The following TMEM116 variants were observed in gnomAD, a reference collection of about 807,000 sequenced individuals.
The protein encoded by TMEM116 is transmembrane protein 116.
A neutral mutation model predicts 44.3 loss-of-function variants in TMEM116; 38 were observed. The observed-to-expected ratio is 0.86, with a 90% CI of 0.66 to 1.12. The LOEUF (loss-of-function observed/expected upper bound fraction) is 1.12. Ranked by LOEUF, TMEM116 falls within the 50% of genes most tolerant of loss-of-function variation. The probability of loss-of-function intolerance (pLI) is 0.00; values close to 1 mark genes in which losing one functional copy is unlikely to be tolerated. For missense variants in TMEM116, 354 were observed against 401.7 expected (o/e 0.88, Z 1.01); for synonymous variants, 132 against 144.8 (o/e 0.91, Z 0.64).
intron 4 of TMEM116, among the ~76,000 whole-genome samples, chr12:111,976,861 G>A (rs1030578783): frequency 1.3e-5 from 2 of 152,096 alleles, no homozygotes; most frequent in African/African-American, 2.4e-5. Flanking sequence ...ATACAGCCAT[G>A]AATGTAATCA....
At chr12:111,936,070 T>C (rs1470736542) in intron 8 of TMEM116, 1 of 152,082 alleles carries the variant, frequency 6.6e-6, no homozygotes, top group Admixed American at 6.6e-5. Flanking sequence ...TGAACTGAAA[T>C]ATAAAAAGAG....
intron 4 of TMEM116, among the ~76,000 whole-genome samples, chr12:111,955,583 G>C (rs1280822477): frequency 6.6e-6 from 1 of 152,160 alleles, no homozygotes; most frequent in African/African-American, 2.4e-5. Flanking sequence ...TGTTATCCTG[G>C]CATTGCAACA....
intron 4 of TMEM116, among the ~76,000 whole-genome samples, chr12:111,975,820 T>C (rs2075636587): frequency 6.6e-6 from 1 of 151,884 alleles, no homozygotes; most frequent in Non-Finnish European, 1.5e-5. Context: ...GAAAAAGTTC[T>C]GAAGGTCACA....
At chr12:111,993,232 C>A (rs746446296) in intron 3 of TMEM116, 2 of 427,790 alleles carry the variant, frequency 4.7e-6, no homozygotes, top group East Asian at 5.8e-5. Context: ...ACACACACTG[C>A]GGTCATTCCC....
At chr12:112,003,392 C>T (rs2077383848) in intron 3 of TMEM116, among the ~76,000 whole-genome samples, 3 of 152,074 alleles carry the variant, frequency 2.0e-5, no homozygotes, top group African/African-American at 7.2e-5. Context: ...CACGGTGAAA[C>T]CCTGTCTCTA....
At chr12:111,992,831 G>C (rs2076693409) in intron 3 of TMEM116, among the ~76,000 whole-genome samples, 1 of 152,134 alleles carries the variant, frequency 6.6e-6, no homozygotes, top group Admixed American at 6.5e-5. Flanking sequence ...ACCATTTATT[G>C]AGGGACTCCT....
chr12:111,989,987 G>C (rs138225244), intron 4 of TMEM116, among the ~76,000 whole-genome samples: 1 of 152,164 alleles, frequency 6.6e-6, no homozygotes, highest in East Asian at 1.9e-4. Context: ...CGGGTGCAGT[G>C]GTTCACGCCT....
chr12:111,998,412 T>C (rs2077046961), intron 3 of TMEM116, among the ~76,000 whole-genome samples: 1 of 152,222 alleles, frequency 6.6e-6, no homozygotes, highest in Non-Finnish European at 1.5e-5. Context: ...TAGTTGGGTA[T>C]GACAAGAATG....
chr12:111,939,102 G>A (rs1443407377), intron 5 of TMEM116, among the ~76,000 whole-genome samples: 2 of 152,128 alleles, frequency 1.3e-5, no homozygotes, highest in African/African-American at 4.8e-5. Flanking sequence ...TCCTCTGTCA[G>A]GTGGTTATCC....
intron 4 of TMEM116, among the ~76,000 whole-genome samples, chr12:111,960,725 A>G (rs1161957931): frequency 6.6e-6 from 1 of 152,082 alleles, no homozygotes; most frequent in African/African-American, 2.4e-5. Flanking sequence ...GGAGGAAGCA[A>G]GAAAAATTTA....
intron 4 of TMEM116, among the ~76,000 whole-genome samples, chr12:111,962,328 A>ATG (rs2074655935): frequency 6.6e-6 from 1 of 152,244 alleles, no homozygotes; most frequent in Non-Finnish European, 1.5e-5. Flanking sequence ...TAAATTTCAT[A>ATG]TGGAACCAAA....
intron 3 of TMEM116, among the ~76,000 whole-genome samples, chr12:111,999,295 T>C (rs2136682857): frequency 6.6e-6 from 1 of 152,226 alleles, no homozygotes; most frequent in East Asian, 1.9e-4. Context: ...CCATTCTAGC[T>C]CTTTAAAAAT....
intron 3 of TMEM116, among the ~76,000 whole-genome samples, chr12:111,998,846 G>A (rs891316821): frequency 1.3e-5 from 2 of 152,046 alleles, no homozygotes; most frequent in Non-Finnish European, 2.9e-5. Flanking sequence ...AGGGGGAAAG[G>A]AAAGGAAAGG....
intron 4 of TMEM116, among the ~76,000 whole-genome samples, chr12:111,955,470 G>C (rs982084317): frequency 6.6e-6 from 1 of 152,186 alleles, no homozygotes; most frequent in African/African-American, 2.4e-5. Flanking sequence ...TCAGTGCAGA[G>C]CTAGTCATCT....
At chr12:112,003,683 G>A (rs1871216134) in intron 3 of TMEM116, 117 bp downstream of exon 3, 1 of 1,383,626 alleles carries the variant, frequency 7.2e-7, no homozygotes, top group South Asian at 1.5e-5. Flanking sequence ...GTATCATCAT[G>A]ACAAATTTAA....
Position 111,955,705 on chromosome 12 carries a change from C to T in TMEM116, c.211-12336G>A, listed in dbSNP as rs576989927. 1.1e-4 allele frequency among the ~76,000 whole-genome samples: 16 copies of T among 152,314 alleles called. No individual in the cohort carries two copies. In the South Asian group the frequency reaches 2.7e-3, roughly 26 times the overall value. On this transcript the variant is annotated intron_variant, in intron 4 of 10. Coordinates refer to ENST00000552374, the MANE Select transcript of TMEM116 (RefSeq NM_001193531.2). ...AGTCATGCACTGCATAACAACATTT[C>T]GGTCAACAGCAGACCGCATATAAGA... is the stretch of plus-strand genomic sequence containing the variant.
intron 4 of TMEM116, among the ~76,000 whole-genome samples, chr12:111,980,156 T>G (rs2075865619): frequency 6.6e-6 from 1 of 152,206 alleles, no homozygotes; most frequent in African/African-American, 2.4e-5. Flanking sequence ...TATTTATAAT[T>G]GCCCCAAACT....
intron 4 of TMEM116, among the ~76,000 whole-genome samples, chr12:111,970,605 G>A (rs1347526155): frequency 1.7e-5 from 1 of 60,160 alleles, no homozygotes; most frequent in Non-Finnish European, 3.5e-5. Context: ...TTTTTTTTTT[G>A]AGACGGAGTC....
intron 3 of TMEM116, among the ~76,000 whole-genome samples, chr12:111,992,542 C>T (rs7300252): frequency 0.46 from 69,232 of 151,976 alleles, 20,037 homozygotes; most frequent in East Asian, 0.9. Context: ...GTGCTGGGAT[C>T]ACAGGCATGA....
Sources: gnomAD v4.1 joint callset for allele counts (sites outside exome capture counted in the v4.1 genomes callset) on GRCh38, gnomAD v4.1.1 for gene constraint, MANE v1.5 for transcripts, NCBI Gene and HGNC (gene_info 2026-07-23, HGNC 2026-07-21) for gene names.